FABP9: variants seen among roughly 807,000 people sequenced by gnomAD.
FABP9 encodes the protein fatty acid-binding protein 9.
In FABP9, 11 loss-of-function variants were observed where a neutral mutation model predicts 14.7. That is an observed-to-expected ratio of 0.75 (90% CI 0.47 to 1.24). FABP9 has a LOEUF of 1.24. FABP9 is among the 50% of genes most tolerant of loss of function. The pLI is 0.00. For missense variants in FABP9, 171 were observed against 158.2 expected (o/e 1.08, Z -0.44); for synonymous variants, 54 against 50.6 (o/e 1.07, Z -0.29).
intron 2 of FABP9, 57 bp from the exon 3 acceptor site, chr8:81,458,760 G>T (rs2129741064): frequency 9.0e-7 from 1 of 1,111,956 alleles, no homozygotes; most frequent in Non-Finnish European, 1.3e-6. Context: ...ACCTACATGA[G>T]ACCACATATC....
At chr8:81,460,151 C>G (rs1355213485) in intron 1 of FABP9, among the ~76,000 whole-genome samples, 1 of 152,114 alleles carries the variant, frequency 6.6e-6, no homozygotes, top group Non-Finnish European at 1.5e-5. Context: ...AGGCACATGC[C>G]ACCATGCCCA....
chr8:81,459,362 C>T lies in FABP9; in HGVS notation c.74-25G>A, dbSNP rs192877326. The T allele has an allele frequency of 2.7e-6, 4 of 1,484,232 alleles. No individual in the cohort carries two copies. The South Asian group carries it at 4.4e-5, about 16-fold the overall frequency. The allele number at this position is 1,484,232 out of a possible 1,614,324, so 91.9% of individuals were successfully genotyped here. A position where few individuals can be genotyped will look rare whatever the true frequency, so the allele number is the denominator to read the frequency against. ...CCTACAAGACAGAGATAGCCTTGGA[C>T]CTTATTAAGACATTGTTAACAATCA... On this transcript the variant is annotated intron_variant, in intron 1 of 3. Coordinates refer to ENST00000379071, the MANE Select transcript of FABP9 (RefSeq NM_001080526.2).
intron 2 of FABP9, 124 bp downstream of exon 2, chr8:81,459,041 A>T (rs1807644322): frequency 3.8e-6 from 3 of 786,502 alleles, no homozygotes; most frequent in Non-Finnish European, 6.1e-6. Context: ...AACTTTAGAG[A>T]TGTGCGACTA....
intron 1 of FABP9, among the ~76,000 whole-genome samples, chr8:81,459,681 T>C (rs1430545549): frequency 1.3e-5 from 2 of 152,194 alleles, no homozygotes; most frequent in Non-Finnish European, 1.5e-5. Flanking sequence ...AGCCTGGCCC[T>C]GTGGTTTGGT....
intron 1 of FABP9, among the ~76,000 whole-genome samples, chr8:81,461,195 T>C (rs1185722959): frequency 6.6e-6 from 1 of 152,158 alleles, no homozygotes; most frequent in Admixed American, 6.5e-5. Context: ...TTAGGTGAAG[T>C]ATTTTCAAAA....
intron 1 of FABP9, among the ~76,000 whole-genome samples, chr8:81,459,998 GTTTGTTTGTTT>G (rs753053229): frequency 1.3e-5 from 2 of 150,984 alleles, no homozygotes; most frequent in Non-Finnish European, 2.9e-5. Flanking sequence ...TTGTTTGTTT[GTTTGTTTGTTT>G]TTTGTTTTGA....
chr8:81,458,756 A>C (rs78020073), intron 2 of FABP9, 53 bp from the exon 3 acceptor site: 3 of 1,122,676 alleles, frequency 2.7e-6, no homozygotes, highest in Admixed American at 4.0e-5. Context: ...TCTAACCTAC[A>C]TGAGACCACA....
Position 81,458,300 on chromosome 8 carries a change from A to G in FABP9, c.*83T>C. 9.5e-7 allele frequency: 1 copy of G among 1,048,542 alleles called. No individual in the cohort carries two copies. The highest frequency in any genetic ancestry group is 2.4e-5 in the East Asian group (1 of 41,980). 65.0% of individuals were successfully genotyped at this position (1,048,542 alleles called of 1,614,324 possible). On this transcript the variant is annotated 3_prime_UTR_variant, in exon 4 of 4. Transcript: ENST00000379071. The stretch of plus-strand genomic sequence containing the variant: ...GCAAATTTATATTGAGACATTTTTT[A>G]AAAATCACCAGCCCTGAGGCATATC...
At chr8:81,458,840 T>G (rs1192610826) in intron 2 of FABP9, 137 bp from the exon 3 acceptor site, 1 of 657,372 alleles carries the variant, frequency 1.5e-6, no homozygotes, top group East Asian at 2.7e-5. Context: ...TGTAGTACTA[T>G]CAAACTAGAA....
At chr8:81,458,485 C>A (rs780088449) in intron 3 of FABP9, 52 bp from the exon 4 acceptor site, 1 of 1,528,540 alleles carries the variant, frequency 6.5e-7, no homozygotes, top group Admixed American at 1.7e-5. Context: ...GCTAAACTTG[C>A]CCTGCCCCTT....
intron 2 of FABP9, 60 bp from the exon 3 acceptor site, chr8:81,458,763 C>A: frequency 9.3e-7 from 1 of 1,074,292 alleles, no homozygotes; most frequent in Non-Finnish European, 1.4e-6. Flanking sequence ...TACATGAGAC[C>A]ACATATCTAC....
intron 1 of FABP9, among the ~76,000 whole-genome samples, 198 bp downstream of exon 1, chr8:81,461,253 T>A (rs62513548): frequency 0.078 from 11,868 of 152,260 alleles, 691 homozygotes; most frequent in Admixed American, 0.18. Context: ...CAGAGGTGTC[T>A]GTGGGCCTAG....
chr8:81,459,472 G>T, intron 1 of FABP9, 135 bp from the exon 2 acceptor site: 1 of 749,848 alleles, frequency 1.3e-6, no homozygotes, highest in Non-Finnish European at 2.0e-6. Context: ...TATGTTTTCT[G>T]TGATATCAGG....
intron 1 of FABP9, among the ~76,000 whole-genome samples, chr8:81,460,263 G>A (rs762710150): frequency 5.3e-5 from 8 of 152,198 alleles, no homozygotes; most frequent in Non-Finnish European, 8.8e-5. Context: ...GCCTCCCAAA[G>A]TGCTGGGATT....
rs910518788 is a variant in FABP9 at position 81,459,187 on chromosome 8, G to A, written c.224C>T (p.Thr75Ile). 3 of 1,591,032 alleles carry A rather than the reference G, an allele frequency of 1.9e-6. No homozygotes were observed. Among genetic ancestry groups the A allele is most frequent in the East Asian group, 2.3e-5 (1 of 43,370 alleles). Reference protein sequence around the residue: ...FKLGEEFDETTADNRKVKSTI... With the variant: ...FKLGEEFDETIADNRKVKSTI... Reference sequence around the variant, plus strand: ...GACCTTTACTTTCCGGTTGTCTGCTGTAGTTTCATCAAATTCTTCCCCCAG... The same window carrying A: ...GACCTTTACTTTCCGGTTGTCTGCTATAGTTTCATCAAATTCTTCCCCCAG... Residue 75 changes from threonine to isoleucine, a missense_variant, in exon 2 of 4, where the codon ACA (threonine) becomes ATA (isoleucine). Coordinates refer to ENST00000379071, the MANE Select transcript of FABP9 (RefSeq NM_001080526.2).
chr8:81,460,417 G>A (rs971312741), intron 1 of FABP9, among the ~76,000 whole-genome samples: 2 of 152,126 alleles, frequency 1.3e-5, no homozygotes, highest in African/African-American at 2.4e-5. Flanking sequence ...CAACACAAGT[G>A]CTACTCTGGC....
rs1217461677 is a variant in FABP9, at chr8:81,461,508, A to G, written c.16T>C (p.Leu6=). MVEPF[L]GTWKLVSSEN... The stretch of plus-strand genomic sequence containing the variant: ...CTGGAGACCAGCTTCCAGGTTCCCA[A>G]GAAGGGCTCAACCATCATGGAACAC... The change falls in exon 1 of 4, where the codon TTG becomes CTG. Residue 6 remains leucine, a synonymous_variant. Coordinates refer to ENST00000379071, the MANE Select transcript of FABP9 (RefSeq NM_001080526.2). 22 of 1,613,528 alleles carry G rather than the reference A, an allele frequency of 1.4e-5. No individual in the cohort carries two copies. Among genetic ancestry groups the G allele is most frequent in the Non-Finnish European group, 1.7e-5 (20 of 1,179,610 alleles).
At chr8:81,459,109 T>A in intron 2 of FABP9, 56 bp downstream of exon 2, 1 of 1,489,330 alleles carries the variant, frequency 6.7e-7, no homozygotes, top group Non-Finnish European at 9.1e-7. Flanking sequence ...AAACCATGCC[T>A]AACCACCTTC....
At chr8:81,459,478 T>C in intron 1 of FABP9, 141 bp from the exon 2 acceptor site, 1 of 724,906 alleles carries the variant, frequency 1.4e-6, no homozygotes, top group Non-Finnish European at 2.1e-6. Flanking sequence ...TTCTGTGATA[T>C]CAGGGCTGAG....
Sources: gnomAD v4.1 joint callset for allele counts (sites outside exome capture counted in the v4.1 genomes callset) on GRCh38, gnomAD v4.1.1 for gene constraint, MANE v1.5 for transcripts, NCBI Gene and HGNC (gene_info 2026-07-23, HGNC 2026-07-21) for gene names.